Variants in MLLT10 observed in about 807,000 individuals in gnomAD.
MLLT10 encodes the protein protein AF-10.
A neutral mutation model predicts 129.1 loss-of-function variants in MLLT10; 30 were observed. The ratio of observed to expected loss-of-function variants is 0.23; its 90% CI spans 0.17 to 0.32. MLLT10 has a LOEUF of 0.32. MLLT10 is among the 10% of genes least tolerant of loss of function. The probability of loss-of-function intolerance (pLI) is 1.00; values close to 1 mark genes in which losing one functional copy is unlikely to be tolerated. For synonymous variants in MLLT10, 490 were observed against 446.4 expected (o/e 1.10, Z -1.23); for missense variants, 1,119 against 1,268.3 (o/e 0.88, Z 1.79).
intron 16 of MLLT10, among the ~76,000 whole-genome samples, chr10:21,728,167 G>A (rs761721598): frequency 3.3e-5 from 5 of 152,132 alleles, no homozygotes; most frequent in Non-Finnish European, 7.4e-5. Context: ...GAACTCTCTT[G>A]TATTTATTAC....
In MLLT10 at chr10:21,742,705, G is replaced by C. The variant is rs950004104; in HGVS notation, c.*722G>C. ...AGTTCTGAGGCTGCTGGGGGAACCA[G>C]ATCAATTCAAAGCTAAATACTTCTT... On this transcript the variant is annotated 3_prime_UTR_variant, in exon 23 of 23. Transcript: ENST00000307729. The C allele has an allele frequency of 4.4e-6, 1 of 225,186 alleles. No homozygotes were observed. Among genetic ancestry groups the C allele is most frequent in the Non-Finnish European group, 8.8e-6 (1 of 113,164 alleles). 13.9% of individuals were successfully genotyped at this position (225,186 alleles called of 1,614,324 possible).
At chr10:21,557,115 T>C in intron 3 of MLLT10, 2 of 1,395,182 alleles carry the variant, frequency 1.4e-6, no homozygotes, top group South Asian at 3.5e-5. Context: ...TTTACATTTT[T>C]GCCCTTTTGT....
At chr10:21,710,783 CTTTA>C (rs2056002785) in intron 13 of MLLT10, among the ~76,000 whole-genome samples, 1 of 152,162 alleles carries the variant, frequency 6.6e-6, no homozygotes, top group South Asian at 2.1e-4. Context: ...AAAAAAGTTA[CTTTA>C]TTTCTTTAAA....
chr10:21,642,283 C>G (rs2048082826), intron 8 of MLLT10, among the ~76,000 whole-genome samples: 1 of 152,174 alleles, frequency 6.6e-6, no homozygotes, highest in Admixed American at 6.5e-5. Flanking sequence ...AACCCGGAGG[C>G]AGAGGTTGCA....
intron 13 of MLLT10, among the ~76,000 whole-genome samples, chr10:21,701,164 A>G (rs1264092805): frequency 2.6e-5 from 4 of 151,436 alleles, no homozygotes; most frequent in Non-Finnish European, 5.9e-5. Flanking sequence ...ATCAGTTGTA[A>G]TGTCTCCTTT....
At chr10:21,599,216 C>T (rs1359761626) in intron 5 of MLLT10, among the ~76,000 whole-genome samples, 1 of 150,872 alleles carries the variant, frequency 6.6e-6, no homozygotes, top group Non-Finnish European at 1.5e-5. Context: ...GTAGTGGACG[C>T]CTGTAATCCC....
chr10:21,640,841 G>T (rs2047929553), intron 8 of MLLT10, among the ~76,000 whole-genome samples: 1 of 152,190 alleles, frequency 6.6e-6, no homozygotes, highest in Non-Finnish European at 1.5e-5. Context: ...CAATGTTTTT[G>T]ATTCACAGCT....
intron 7 of MLLT10, among the ~76,000 whole-genome samples, chr10:21,615,411 C>G (rs2045132345): frequency 6.8e-6 from 1 of 146,522 alleles, no homozygotes; most frequent in East Asian, 2.0e-4. Context: ...GAGCCGAGAT[C>G]CTGCCATTAC....
chr10:21,732,935 T>A lies in MLLT10; in HGVS notation c.2255T>A (p.Val752Asp). Reference protein sequence around the residue: ...GMLKSLHQLQVENRRLEEQIK... With the variant: ...GMLKSLHQLQDENRRLEEQIK... The stretch of plus-strand genomic sequence containing the variant: ...CTGAAGTCATTACACCAACTTCAAG[T>A]TGAAAACCGAAGATTAGAGGAACAA... The change falls in exon 18 of 23, where the codon GTT becomes GAT. Residue 752 changes from valine to aspartate, a missense_variant. This residue lies in a region of MLLT10 where 1,004 missense variants were observed against 1,008.7 expected (regional missense o/e 1.00). Transcript: ENST00000307729. The A allele has an allele frequency of 1.2e-6, 2 of 1,613,952 alleles. No homozygotes were observed. The highest frequency in any genetic ancestry group is 1.7e-6 in the Non-Finnish European group (2 of 1,179,958).
intron 13 of MLLT10, among the ~76,000 whole-genome samples, chr10:21,704,212 TTGGCCAGGCTGATG>T: frequency 6.6e-6 from 1 of 150,684 alleles, no homozygotes; most frequent in Middle Eastern, 3.5e-3. Context: ...TTTTGCCGTG[TTGGCCAGGCTGATG>T]TTGCAGTCCT....
chr10:21,550,982 G>C (rs140566071), intron 3 of MLLT10, among the ~76,000 whole-genome samples: 2,728 of 147,568 alleles, frequency 0.018, 80 homozygotes, highest in African/African-American at 0.064. Flanking sequence ...GCAGTGGTAC[G>C]ATCTTAGCTC....
At chr10:21,562,818 GTT>G (rs1163404490) in intron 3 of MLLT10, among the ~76,000 whole-genome samples, 1 of 82,568 alleles carries the variant, frequency 1.2e-5, no homozygotes, top group Non-Finnish European at 2.4e-5. Context: ...TGTTTTTTTT[GTT>G]TTTTTTTTTT....
intron 13 of MLLT10, among the ~76,000 whole-genome samples, chr10:21,691,784 G>A (rs895738894): frequency 3.3e-5 from 5 of 151,962 alleles, no homozygotes; most frequent in African/African-American, 1.2e-4. Context: ...TAACGCAATG[G>A]TTACAGCCAA....
At chr10:21,557,276 G>T (rs1564405502) in intron 3 of MLLT10, 2 of 736,364 alleles carry the variant, frequency 2.7e-6, no homozygotes, top group Non-Finnish European at 3.5e-6. Flanking sequence ...ATCTGTATTT[G>T]ATATAACACT....
chr10:21,618,935 A>G (rs1040504703), intron 8 of MLLT10, among the ~76,000 whole-genome samples: 23 of 151,620 alleles, frequency 1.5e-4, no homozygotes, highest in African/African-American at 4.4e-4. Context: ...GGGTTTCACT[A>G]TGTTGTCCAG....
At chr10:21,685,047 G>C (rs2053158402) in intron 13 of MLLT10, among the ~76,000 whole-genome samples, 1 of 151,228 alleles carries the variant, frequency 6.6e-6, no homozygotes, top group Admixed American at 6.6e-5. Context: ...TAATACTTCT[G>C]GGTTCTCATA....
intron 9 of MLLT10, among the ~76,000 whole-genome samples, chr10:21,670,237 T>G (rs191314364): frequency 6.6e-6 from 1 of 152,296 alleles, no homozygotes; most frequent in Admixed American, 6.5e-5. Context: ...CTTTAAATTA[T>G]GTAGGCTTTT....
chr10:21,556,439 A>G (rs373135899), intron 3 of MLLT10, among the ~76,000 whole-genome samples: 2 of 152,148 alleles, frequency 1.3e-5, no homozygotes, highest in African/African-American at 2.4e-5. Context: ...ATATTCCTTT[A>G]GCCAGATGGA....
chr10:21,543,639 C>A (rs1278963914), intron 3 of MLLT10, among the ~76,000 whole-genome samples: 3 of 151,964 alleles, frequency 2.0e-5, no homozygotes, highest in Non-Finnish European at 2.9e-5. Context: ...CCACCACGCC[C>A]AGCTAAGTTT....
Sources: allele counts gnomAD v4.1 joint callset (sites outside exome capture counted in the v4.1 genomes callset), GRCh38; gene constraint gnomAD v4.1.1; regional missense constraint gnomAD v4.1.1; transcripts MANE v1.5; gene names NCBI Gene and HGNC (gene_info 2026-07-23, HGNC 2026-07-21).